The following FNDC3B variants were observed in gnomAD, a reference collection of about 807,000 sequenced individuals.
The protein encoded by FNDC3B is fibronectin type III domain containing 3B.
FNDC3B carries 12 observed loss-of-function variants against 151.5 expected under a neutral mutation model. The ratio of observed to expected loss-of-function variants is 0.08; its 90% CI spans 0.05 to 0.13. The LOEUF is 0.13. Ranked by LOEUF, FNDC3B falls within the 10% of genes least tolerant of loss-of-function variation. FNDC3B has a pLI of 1.00. For synonymous variants in FNDC3B, 528 were observed against 549.0 expected (o/e 0.96, Z 0.54); for missense variants, 1,214 against 1,505.3 (o/e 0.81, Z 3.20).
chr3:172,316,066 G>A (rs1449841334), intron 11 of FNDC3B, among the ~76,000 whole-genome samples: 2 of 140,436 alleles, frequency 1.4e-5, no homozygotes, highest in Middle Eastern at 3.8e-3. Flanking sequence ...GGAGTGCAAC[G>A]GCACAATCTC....
In FNDC3B at chr3:172,356,218, A is replaced by G. The variant is rs557629286; in HGVS notation, c.2795+3135A>G. Among the ~76,000 whole-genome samples the G allele has an allele frequency of 2.6e-5, 4 of 152,206 alleles. No individual in the cohort carries two copies. The South Asian group carries it at 8.3e-4, about 31-fold the overall frequency. ...GACAAGTTCTGGGTAGTTCAGTGGT[A>G]GCAGACGAGTCAGACAGCCTTGACT... On this transcript the variant is annotated intron_variant, in intron 22 of 25. Transcript: ENST00000415807.
chr3:172,143,971 G>A (rs1406385604), intron 3 of FNDC3B, among the ~76,000 whole-genome samples: 3 of 151,678 alleles, frequency 2.0e-5, no homozygotes, highest in African/African-American at 4.8e-5. Flanking sequence ...AGGCTCATTC[G>A]TGCTTGTCAG....
intron 23 of FNDC3B, among the ~76,000 whole-genome samples, chr3:172,364,177 T>C (rs768971760): frequency 6.6e-6 from 1 of 152,204 alleles, no homozygotes; most frequent in Non-Finnish European, 1.5e-5. Flanking sequence ...TGCCTTCGGA[T>C]GTGTTTTCAT....
intron 3 of FNDC3B, chr3:172,225,441 TTG>T (rs1726515045): frequency 8.5e-6 from 2 of 235,868 alleles, no homozygotes; most frequent in African/African-American, 4.6e-5. Context: ...GTCTTCTGGT[TTG>T]TTGAAGCAGT....
chr3:172,220,624 A>T (rs1160101958), intron 3 of FNDC3B, among the ~76,000 whole-genome samples: 1 of 152,028 alleles, frequency 6.6e-6, no homozygotes, highest in African/African-American at 2.4e-5. Flanking sequence ...TTCTTCTAAG[A>T]GTTTTATTTT....
chr3:172,194,219 CAA>C (rs529754937), intron 3 of FNDC3B, among the ~76,000 whole-genome samples: 1 of 144,912 alleles, frequency 6.9e-6, no homozygotes, highest in Admixed American at 6.8e-5. Flanking sequence ...GACTCCATCT[CAA>C]AAAAAAAAGA....
chr3:172,219,612 T>C (rs1400817540), intron 3 of FNDC3B, among the ~76,000 whole-genome samples: 1 of 152,222 alleles, frequency 6.6e-6, no homozygotes, highest in East Asian at 1.9e-4. Context: ...TCCTCAGTCC[T>C]GCAAACCTTC....
chr3:172,373,318 C>T (rs895166719), intron 23 of FNDC3B, among the ~76,000 whole-genome samples: 6 of 152,330 alleles, frequency 3.9e-5, no homozygotes, highest in Middle Eastern at 6.8e-3. Context: ...TCAGCACCTT[C>T]AAGACAGCAG....
At chr3:172,362,962 C>A in intron 23 of FNDC3B, 117 bp downstream of exon 23, 1 of 758,002 alleles carries the variant, frequency 1.3e-6, no homozygotes, top group Non-Finnish European at 2.2e-6. Context: ...TGTTCAGAGG[C>A]TTCCTTTGAC....
At chr3:172,077,554 G>A (rs1166200312) in intron 1 of FNDC3B, among the ~76,000 whole-genome samples, 13 of 152,044 alleles carry the variant, frequency 8.6e-5, no homozygotes, top group African/African-American at 2.4e-4. Flanking sequence ...GATTTATGTC[G>A]GACTTATAAA....
At chr3:172,367,516 A>T (rs767470744) in intron 23 of FNDC3B, among the ~76,000 whole-genome samples, 1 of 152,234 alleles carries the variant, frequency 6.6e-6, no homozygotes, top group Non-Finnish European at 1.5e-5. Context: ...TTATACAAGA[A>T]AAATATATCT....
chr3:172,267,269 C>T (rs2108798490), intron 6 of FNDC3B, among the ~76,000 whole-genome samples: 1 of 152,158 alleles, frequency 6.6e-6, no homozygotes, highest in East Asian at 1.9e-4. Flanking sequence ...AATCCTCCCA[C>T]CTCAGCCTCC....
At chr3:172,066,572 G>T (rs1377422489) in intron 1 of FNDC3B, among the ~76,000 whole-genome samples, 1 of 152,234 alleles carries the variant, frequency 6.6e-6, no homozygotes, top group Admixed American at 6.5e-5. Context: ...CTCAGGACTT[G>T]TCTGGGTTGA....
rs9846394 is a variant in FNDC3B at position 172,307,920 on chromosome 3, G to A, written c.1200+419G>A. On this transcript the variant is annotated intron_variant, in intron 10 of 25. Coordinates refer to ENST00000415807, the MANE Select transcript of FNDC3B (RefSeq NM_022763.4). ...AATGTCTTCAGGTCATAAGCAACAC[G>A]TATAAGTGATATAGGTACTTAAAAT... is the stretch of plus-strand genomic sequence containing the variant. Among the ~76,000 whole-genome samples the A allele has an allele frequency of 9.6e-3, 1,460 of 152,192 alleles. 26 individuals carry two copies. The highest frequency in any genetic ancestry group is 0.033 in the African/African-American group (1,384 of 41,518).
At position 172,330,600 on chromosome 3, in the gene FNDC3B, C is replaced by T. The variant is rs753393450; in HGVS notation, c.1439C>T (p.Ala480Val). The change falls in exon 13 of 26, where the codon GCA becomes GTA. Residue 480 changes from alanine (A) to valine (V), a missense_variant. By Grantham distance (64) the Ala-to-Val change is moderately conservative (BLOSUM62 0). Transcript: ENST00000415807. ...TLGNIPQMPS[A>V]PRLVRAGITW... The stretch of plus-strand genomic sequence containing the variant: ...GGAAATATCCCTCAGATGCCTTCTG[C>T]ACCAAGGCTGGTTCGAGCTGGCATC... 1.4e-5 allele frequency: 23 copies of T among 1,613,994 alleles called. No homozygotes were observed. The highest frequency in any genetic ancestry group is 1.7e-6 in the Non-Finnish European group (2 of 1,179,954).
intron 11 of FNDC3B, among the ~76,000 whole-genome samples, chr3:172,324,526 CAGTT>C (rs1441488017): frequency 1.3e-5 from 2 of 151,854 alleles, no homozygotes; most frequent in African/African-American, 4.8e-5. Context: ...TGTCTGCACA[CAGTT>C]GGTTTGTACT....
intron 1 of FNDC3B, among the ~76,000 whole-genome samples, chr3:172,064,440 G>GA (rs1279244491): frequency 6.6e-6 from 1 of 152,188 alleles, no homozygotes; most frequent in South Asian, 2.1e-4. Flanking sequence ...TTAATTTTGT[G>GA]ATTAGTGGCC....
chr3:172,157,136 T>G (rs778100233), intron 3 of FNDC3B, among the ~76,000 whole-genome samples: 4 of 152,196 alleles, frequency 2.6e-5, no homozygotes, highest in Non-Finnish European at 5.9e-5. Flanking sequence ...TATTTTTCTT[T>G]TTCTCTTCTT....
rs539962256 is a variant in FNDC3B at position 172,318,051 on chromosome 3, T to A, written c.1254+7170T>A. ...AACCAGAAAAAGAGCTTTGTGGGAATGTGACTACTGGAGTTCCCAAAAACC... is the reference window on the plus strand; with the variant it reads ...AACCAGAAAAAGAGCTTTGTGGGAAAGTGACTACTGGAGTTCCCAAAAACC... On this transcript the variant is annotated intron_variant, in intron 11 of 25. Transcript: ENST00000415807. Among the ~76,000 whole-genome samples the A allele has an allele frequency of 4.6e-5, 7 of 152,306 alleles. No individual in the cohort carries two copies. In the South Asian group the frequency reaches 8.3e-4, roughly 18 times the overall value.
Sources: gnomAD v4.1 joint callset for allele counts (sites outside exome capture counted in the v4.1 genomes callset) on GRCh38, gnomAD v4.1.1 for gene constraint, MANE v1.5 for transcripts, NCBI Gene and HGNC (gene_info 2026-07-23, HGNC 2026-07-21) for gene names.